Variants in HPSE2 observed in about 807,000 individuals in gnomAD.
HPSE2 encodes inactive heparanase-2.
HPSE2 carries 38 observed loss-of-function variants against 60.5 expected under a neutral mutation model. That is an observed-to-expected ratio of 0.63 (90% CI 0.48 to 0.82). HPSE2 has a LOEUF of 0.82. HPSE2 is among the 40% of genes least tolerant of loss of function. The pLI is 0.00. For missense variants in HPSE2, 713 were observed against 740.4 expected, an observed-to-expected ratio of 0.96 and a Z score of 0.43; for synonymous variants, 295 against 293.2, an observed-to-expected ratio of 1.01 and a Z score of -0.06.
At chr10:98,802,477 C>G (rs779084969) in intron 3 of HPSE2, among the ~76,000 whole-genome samples, 1,671 of 114,140 alleles carry the variant, frequency 0.015, 19 homozygotes, top group Non-Finnish European at 0.022. Context: ...CCCCTCCCCC[C>G]ACCCCACAAC....
chr10:98,615,392 G>A (rs993838343), intron 8 of HPSE2, among the ~76,000 whole-genome samples: 4 of 152,084 alleles, frequency 2.6e-5, no homozygotes, highest in Non-Finnish European at 5.9e-5. Flanking sequence ...ACAGAAGAGC[G>A]CACATTGTGC....
intron 3 of HPSE2, chr10:99,013,052 G>A: frequency 3.8e-6 from 2 of 527,280 alleles, no homozygotes; most frequent in Non-Finnish European, 7.1e-6. Context: ...TTCAGGTAAA[G>A]TTTAGCACTT....
At chr10:98,969,958 T>C (rs1341495833) in intron 3 of HPSE2, among the ~76,000 whole-genome samples, 1 of 137,572 alleles carries the variant, frequency 7.3e-6, no homozygotes, top group African/African-American at 2.9e-5. Flanking sequence ...GGAACAGCTG[T>C]CACCCACTTT....
intron 7 of HPSE2, among the ~76,000 whole-genome samples, chr10:98,626,305 T>C (rs837575): frequency 0.24 from 36,297 of 152,102 alleles, 4,517 homozygotes; most frequent in Admixed American, 0.32. Flanking sequence ...GACAGACTTG[T>C]TGTGTGCTTT....
At chr10:98,808,862 T>C (rs1951102076) in intron 3 of HPSE2, among the ~76,000 whole-genome samples, 1 of 152,164 alleles carries the variant, frequency 6.6e-6, no homozygotes, top group Non-Finnish European at 1.5e-5. Flanking sequence ...GCTACATAGC[T>C]CTGAAGTTCC....
the HPSE2 span, among the ~76,000 whole-genome samples, chr10:99,313,578 G>A: frequency 1.4e-5 from 2 of 146,878 alleles, no homozygotes; most frequent in Non-Finnish European, 3.0e-5. Context: ...CAGGGTTTGA[G>A]ATGACTGACT....
intron 3 of HPSE2, among the ~76,000 whole-genome samples, chr10:99,049,135 T>C (rs1957931451): frequency 2.0e-5 from 3 of 152,190 alleles, no homozygotes; most frequent in Admixed American, 6.5e-5. Flanking sequence ...GGGTACTATG[T>C]GTACTACCTG....
chr10:98,602,756 C>A (rs1945464345), intron 9 of HPSE2, among the ~76,000 whole-genome samples: 1 of 152,044 alleles, frequency 6.6e-6, no homozygotes, highest in Non-Finnish European at 1.5e-5. Context: ...TATCTACATG[C>A]AAAAGAATGA....
intron 11 of HPSE2, among the ~76,000 whole-genome samples, chr10:98,474,131 T>C (rs1591230881): frequency 6.6e-6 from 1 of 152,270 alleles, no homozygotes; most frequent in Non-Finnish European, 1.5e-5. Flanking sequence ...ACTAAAATAC[T>C]TAGATGTCTT....
rs1842970414 is a variant in HPSE2 at position 99,076,988 on chromosome 10, T to C, written c.610+67250A>G. On this transcript the variant is annotated intron_variant, in intron 3 of 11. Transcript: ENST00000370552. ...GACAATTTTGCCAGGTATACGATTCTTGGTTGGCCTTTTTGTTTCCTTCAG... is the reference window on the plus strand; with the variant it reads ...GACAATTTTGCCAGGTATACGATTCCTGGTTGGCCTTTTTGTTTCCTTCAG... 2.0e-5 allele frequency among the ~76,000 whole-genome samples: 3 copies of C among 152,218 alleles called. No homozygotes were observed. The South Asian group carries it at 6.2e-4, about 31-fold the overall frequency.
intron 3 of HPSE2, among the ~76,000 whole-genome samples, chr10:98,838,234 A>G (rs892546215): frequency 2.0e-5 from 3 of 152,164 alleles, no homozygotes; most frequent in Non-Finnish European, 4.4e-5. Context: ...TGGTTGTATA[A>G]CCATAGACAA....
intron 9 of HPSE2, among the ~76,000 whole-genome samples, chr10:98,585,619 C>T (rs11189698): frequency 0.62 from 93,576 of 150,976 alleles, 29,239 homozygotes; most frequent in Middle Eastern, 0.7. Flanking sequence ...TATTTGATGC[C>T]AAATGTTTTA....
At chr10:99,063,047 C>T (rs1351782964) in intron 3 of HPSE2, among the ~76,000 whole-genome samples, 2 of 152,154 alleles carry the variant, frequency 1.3e-5, no homozygotes, top group Non-Finnish European at 2.9e-5. Context: ...GTGAGCCCTT[C>T]CTTCTGGAAC....
chr10:98,489,861 G>A (rs1160305832), intron 10 of HPSE2, among the ~76,000 whole-genome samples, 190 bp downstream of exon 10: 1 of 152,176 alleles, frequency 6.6e-6, no homozygotes, highest in Non-Finnish European at 1.5e-5. Context: ...GTATGAGAAG[G>A]GAGCGTTTAC....
At chr10:98,556,065 T>A (rs1943999433) in intron 9 of HPSE2, among the ~76,000 whole-genome samples, 1 of 152,126 alleles carries the variant, frequency 6.6e-6, no homozygotes, top group African/African-American at 2.4e-5. Flanking sequence ...CCGACTTTTA[T>A]TATTATTATT....
intron 3 of HPSE2, among the ~76,000 whole-genome samples, chr10:98,971,591 T>A (rs979083444): frequency 2.6e-5 from 4 of 152,222 alleles, no homozygotes; most frequent in African/African-American, 9.6e-5. Flanking sequence ...TATTTCACAA[T>A]GTTATTCACT....
intron 3 of HPSE2, among the ~76,000 whole-genome samples, chr10:99,100,519 G>T (rs188066641): frequency 9.2e-5 from 14 of 152,316 alleles, no homozygotes; most frequent in African/African-American, 3.4e-4. Context: ...CATCTGACTG[G>T]TGTACCTGAA....
At chr10:98,902,913 A>G (rs757438755) in intron 3 of HPSE2, among the ~76,000 whole-genome samples, 12 of 152,048 alleles carry the variant, frequency 7.9e-5, no homozygotes, top group Non-Finnish European at 1.5e-4. Context: ...TGACAATTCT[A>G]CTCCTAGATA....
chr10:98,493,559 A>G (rs1460855146), intron 9 of HPSE2, among the ~76,000 whole-genome samples: 1 of 152,128 alleles, frequency 6.6e-6, no homozygotes, highest in African/African-American at 2.4e-5. Flanking sequence ...TTTGTCTCTT[A>G]TAATCTTTTA....
Sources: gnomAD v4.1 joint callset for allele counts (sites outside exome capture counted in the v4.1 genomes callset) on GRCh38, gnomAD v4.1.1 for gene constraint, MANE v1.5 for transcripts, NCBI Gene and HGNC (gene_info 2026-07-23, HGNC 2026-07-21) for gene names.